CEP57L1: variants seen among roughly 807,000 people sequenced by gnomAD.
CEP57L1 encodes centrosomal protein CEP57L1.
A neutral mutation model predicts 61.0 loss-of-function variants in CEP57L1; 37 were observed. The observed-to-expected ratio is 0.61, with a 90% CI of 0.47 to 0.80. The LOEUF (loss-of-function observed/expected upper bound fraction) is 0.80. Ranked by LOEUF, CEP57L1 falls within the 30% of genes least tolerant of loss-of-function variation. The pLI, the probability that CEP57L1 is intolerant of heterozygous loss-of-function variation, is 0.00. For missense variants in CEP57L1, 422 were observed against 524.7 expected (o/e 0.80, Z 1.91); for synonymous variants, 137 against 162.3 (o/e 0.84, Z 1.19).
chr6:109,152,685 C>T (rs1772771870), intron 4 of CEP57L1, among the ~76,000 whole-genome samples: 1 of 147,124 alleles, frequency 6.8e-6, no homozygotes, highest in African/African-American at 2.5e-5. Flanking sequence ...GTGTGTATAA[C>T]TTTCCTTTTC....
intron 1 of CEP57L1, among the ~76,000 whole-genome samples, chr6:109,115,350 TAGGGAAA>T (rs1772146209): frequency 6.6e-6 from 1 of 152,108 alleles, no homozygotes; most frequent in African/African-American, 2.4e-5. Context: ...ACTCTATTTG[TAGGGAAA>T]ACAATTCTAG....
intron 1 of CEP57L1, among the ~76,000 whole-genome samples, chr6:109,117,999 A>G (rs1772499644): frequency 6.6e-6 from 1 of 152,216 alleles, no homozygotes; most frequent in African/African-American, 2.4e-5. Context: ...AAAGTAATAC[A>G]TATTTTTGTA....
chr6:109,120,335 C>A (rs1421231235), intron 1 of CEP57L1, among the ~76,000 whole-genome samples: 2 of 152,156 alleles, frequency 1.3e-5, no homozygotes, highest in Non-Finnish European at 2.9e-5. Flanking sequence ...GACAAGATTG[C>A]CATATTCTAG....
At chr6:109,143,764 G>T (rs1771671308) in intron 1 of CEP57L1, among the ~76,000 whole-genome samples, 1 of 152,126 alleles carries the variant, frequency 6.6e-6, no homozygotes, top group African/African-American at 2.4e-5. Flanking sequence ...ACTTCAGTGT[G>T]TAGTGACAAA....
intron 1 of CEP57L1, among the ~76,000 whole-genome samples, chr6:109,128,193 A>C (rs1773795219): frequency 6.6e-6 from 1 of 152,138 alleles, no homozygotes; most frequent in South Asian, 2.1e-4. Context: ...CTGTGTCTGT[A>C]AGCACCTCAT....
chr6:109,129,135 G>T (rs1219409349), intron 1 of CEP57L1, among the ~76,000 whole-genome samples: 1 of 152,174 alleles, frequency 6.6e-6, no homozygotes, highest in African/African-American at 2.4e-5. Flanking sequence ...GGGAGGCAGA[G>T]GTTGCAGTAA....
chr6:109,115,137 A>G (rs966751322), intron 1 of CEP57L1, among the ~76,000 whole-genome samples: 4 of 152,186 alleles, frequency 2.6e-5, no homozygotes, highest in Admixed American at 6.5e-5. Flanking sequence ...AACAACTTCA[A>G]AAATCTTCTA....
At chr6:109,143,909 T>A (rs1476561451) in intron 1 of CEP57L1, among the ~76,000 whole-genome samples, 1 of 152,144 alleles carries the variant, frequency 6.6e-6, no homozygotes, top group Non-Finnish European at 1.5e-5. Flanking sequence ...ACAACCATCT[T>A]CAGGATTTAC....
At position 109,133,819 on chromosome 6, in the gene CEP57L1, G is replaced by A. The variant is rs150664159; in HGVS notation, c.-3-11400G>A. 5.3e-5 allele frequency among the ~76,000 whole-genome samples: 8 copies of A among 152,224 alleles called. No homozygotes were observed. The East Asian group carries it at 1.2e-3, about 22-fold the overall frequency. ...ATAAACTAGAAAATCTAGAAGAAAC[G>A]GACAAATTCCTCGACACATACACCC... On this transcript the variant is annotated intron_variant, in intron 1 of 10. Transcript: ENST00000517392.
At chr6:109,124,564 G>A (rs1370206862) in intron 1 of CEP57L1, among the ~76,000 whole-genome samples, 1 of 152,188 alleles carries the variant, frequency 6.6e-6, no homozygotes, top group Non-Finnish European at 1.5e-5. Flanking sequence ...AGGAATAATT[G>A]TGCCTCATAG....
intron 1 of CEP57L1, among the ~76,000 whole-genome samples, chr6:109,127,838 C>A (rs1347019314): frequency 6.6e-6 from 1 of 151,678 alleles, no homozygotes; most frequent in Non-Finnish European, 1.5e-5. Flanking sequence ...CCATGTTGGC[C>A]AGGATGGTCT....
intron 1 of CEP57L1, among the ~76,000 whole-genome samples, chr6:109,101,622 T>C (rs868238715): frequency 0.077 from 11,503 of 148,460 alleles, 596 homozygotes; most frequent in Middle Eastern, 0.19. Flanking sequence ...TTTTCTTTTT[T>C]CTTTTTTTTT....
At chr6:109,107,809 C>T (rs537413855) in intron 1 of CEP57L1, among the ~76,000 whole-genome samples, 49 of 152,074 alleles carry the variant, frequency 3.2e-4, no homozygotes, top group African/African-American at 5.5e-4. Context: ...GGCATGGTGG[C>T]GCTTGGGTGT....
intron 10 of CEP57L1, among the ~76,000 whole-genome samples, chr6:109,162,142 T>C (rs933788518): frequency 6.6e-6 from 1 of 152,082 alleles, no homozygotes; most frequent in Non-Finnish European, 1.5e-5. Flanking sequence ...AAAGTGTTTG[T>C]TCACAAAAGT....
At position 109,171,844 on chromosome 6, in the gene CEP57L1, C is replaced by T. The variant is rs149635391; in HGVS notation, c.*8874C>T. On this transcript the variant is annotated 3_prime_UTR_variant, in exon 11 of 11. Transcript: ENST00000517392. Reference sequence around the variant, plus strand: ...TCCTTAGATATCAGCATTGCCAAGACCAGGGATATAGTTATTAGTAATTTA... The same window carrying T: ...TCCTTAGATATCAGCATTGCCAAGATCAGGGATATAGTTATTAGTAATTTA... 3.9e-4 allele frequency among the ~76,000 whole-genome samples: 60 copies of T among 152,126 alleles called. No homozygotes were observed. Among genetic ancestry groups the T allele is most frequent in the African/African-American group, 1.4e-3 (57 of 41,482 alleles).
chr6:109,095,526 C>G lies in CEP57L1; in HGVS notation c.-53C>G, dbSNP rs972650994. ...CACCGCGACGTTGCCTGTGGGTGCC[C>G]GCGAACCAACGGTTAGCGGTGGCAG... On this transcript the variant is annotated 5_prime_UTR_variant, in exon 1 of 11. Coordinates refer to ENST00000517392, the MANE Select transcript of CEP57L1 (RefSeq NM_001271852.3). The G allele has an allele frequency of 1.6e-4, 157 of 985,714 alleles. No individual in the cohort carries two copies. Among genetic ancestry groups the G allele is most frequent in the Non-Finnish European group, 1.9e-4 (154 of 829,944 alleles). The allele number at this position is 985,714 out of a possible 1,614,324, so 61.1% of individuals were successfully genotyped here.
At position 109,166,934 on chromosome 6, in the gene CEP57L1, C is replaced by T. The variant is rs528727660; in HGVS notation, c.*3964C>T. ...ACTGAGAACATTTAATTGTAGGTGACGTGTAGATAAGTATAAGCTGACACT... is the reference window on the plus strand; with the variant it reads ...ACTGAGAACATTTAATTGTAGGTGATGTGTAGATAAGTATAAGCTGACACT... On this transcript the variant is annotated 3_prime_UTR_variant, in exon 11 of 11. Coordinates refer to ENST00000517392, the MANE Select transcript of CEP57L1 (RefSeq NM_001271852.3). Among the ~76,000 whole-genome samples, 50 of 152,248 alleles carry T rather than the reference C, an allele frequency of 3.3e-4. No individual in the cohort carries two copies. Among genetic ancestry groups the T allele is most frequent in the Middle Eastern group, 3.4e-3 (1 of 294 alleles).
At chr6:109,110,438 G>C (rs1445316526) in intron 1 of CEP57L1, among the ~76,000 whole-genome samples, 1 of 151,758 alleles carries the variant, frequency 6.6e-6, no homozygotes, top group Non-Finnish European at 1.5e-5. Context: ...ATAGTCAGAT[G>C]GATAGACTGC....
rs1306019527 is a variant in CEP57L1 at position 109,171,454 on chromosome 6, A to G, written c.*8484A>G. Among the ~76,000 whole-genome samples the G allele has an allele frequency of 6.6e-6, 1 of 151,284 alleles. No homozygotes were observed. Among genetic ancestry groups the G allele is most frequent in the African/African-American group, 2.4e-5 (1 of 41,084 alleles). ...GAAACGGGGTTTCACCGTGTTAGCC[A>G]GGCTGGTCTCGAACTCCTGACCTTA... On this transcript the variant is annotated 3_prime_UTR_variant, in exon 11 of 11. Coordinates refer to ENST00000517392, the MANE Select transcript of CEP57L1 (RefSeq NM_001271852.3).
Sources: allele counts gnomAD v4.1 joint callset (sites outside exome capture counted in the v4.1 genomes callset), GRCh38; gene constraint gnomAD v4.1.1; transcripts MANE v1.5; gene names NCBI Gene and HGNC (gene_info 2026-07-23, HGNC 2026-07-21).